Variants in UBE2G1 observed in about 807,000 individuals in gnomAD.
UBE2G1 encodes ubiquitin conjugating enzyme E2 G1.
UBE2G1 carries 5 observed loss-of-function variants against 22.7 expected under a neutral mutation model. The ratio of observed to expected loss-of-function variants is 0.22; its 90% CI spans 0.12 to 0.46. UBE2G1 has a LOEUF of 0.46. UBE2G1 is among the 20% of genes least tolerant of loss of function. The pLI is 0.99. For missense variants in UBE2G1, 88 were observed against 203.9 expected, an observed-to-expected ratio of 0.43 and a Z score of 3.46; for synonymous variants, 74 against 67.5, an observed-to-expected ratio of 1.10 and a Z score of -0.47.
At chr17:4,315,437 A>G (rs1969355064) in intron 1 of UBE2G1, among the ~76,000 whole-genome samples, 1 of 152,136 alleles carries the variant, frequency 6.6e-6, no homozygotes, top group African/African-American at 2.4e-5. Flanking sequence ...GTACTTGACT[A>G]CTAAGAAAAT....
At chr17:4,360,014 C>A (rs1305151657) in intron 1 of UBE2G1, among the ~76,000 whole-genome samples, 1 of 151,924 alleles carries the variant, frequency 6.6e-6, no homozygotes, top group Non-Finnish European at 1.5e-5. Context: ...CTGTTTATAC[C>A]AATAATTCAT....
At chr17:4,285,470 C>T (rs1270832566) in intron 4 of UBE2G1, among the ~76,000 whole-genome samples, 1 of 152,136 alleles carries the variant, frequency 6.6e-6, no homozygotes, top group African/African-American at 2.4e-5. Context: ...AAGCACCTTA[C>T]ATCATAAATA....
At chr17:4,280,037 CTTTTTT>C (rs770757443) in intron 5 of UBE2G1, among the ~76,000 whole-genome samples, 2 of 139,944 alleles carry the variant, frequency 1.4e-5, no homozygotes, top group Non-Finnish European at 3.1e-5. Context: ...GATAGATAGA[CTTTTTT>C]TTTTTTTTTT....
chr17:4,289,495 ACAGTACCTTTAT>A, intron 3 of UBE2G1, 87 bp from the exon 4 acceptor site: 3 of 1,366,448 alleles, frequency 2.2e-6, no homozygotes, highest in Non-Finnish European at 2.9e-6. Flanking sequence ...CCTGATTCAC[ACAGTACCTTTAT>A]CAAACATGAC....
chr17:4,354,577 A>C (rs1222948779), intron 1 of UBE2G1, among the ~76,000 whole-genome samples: 2 of 152,188 alleles, frequency 1.3e-5, no homozygotes, highest in African/African-American at 4.8e-5. Flanking sequence ...TTTATCAGAA[A>C]ATAAAACTGT....
chr17:4,307,211 T>A, intron 1 of UBE2G1, 88 bp from the exon 2 acceptor site: 1 of 1,162,138 alleles, frequency 8.6e-7, no homozygotes, highest in Non-Finnish European at 1.3e-6. Context: ...GTACATGTTT[T>A]ATGTAAGTTT....
intron 4 of UBE2G1, among the ~76,000 whole-genome samples, chr17:4,284,579 C>A (rs1378927882): frequency 6.6e-6 from 1 of 151,072 alleles, no homozygotes; most frequent in Non-Finnish European, 1.5e-5. Context: ...CCAGCCTGGG[C>A]GACAGAGCGA....
intron 1 of UBE2G1, among the ~76,000 whole-genome samples, chr17:4,315,729 G>T (rs1969360475): frequency 1.4e-5 from 2 of 147,988 alleles, no homozygotes; most frequent in Admixed American, 1.4e-4. Context: ...GAAAGAGCGA[G>T]ACTCCATCTC....
intron 1 of UBE2G1, chr17:4,335,164 G>C (rs1355137563): frequency 6.6e-6 from 1 of 152,064 alleles, no homozygotes. Flanking sequence ...CATATTAAAA[G>C]GTGTATAAGA....
intron 1 of UBE2G1, among the ~76,000 whole-genome samples, chr17:4,311,048 C>CA (rs1379496932): frequency 2.6e-5 from 4 of 150,988 alleles, no homozygotes; most frequent in Admixed American, 6.6e-5. Flanking sequence ...CTGTCTCTAC[C>CA]AAAAAAAAGA....
chr17:4,301,855 G>A, intron 2 of UBE2G1: 1 of 504,534 alleles, frequency 2.0e-6, no homozygotes, highest in Non-Finnish European at 3.9e-6. Flanking sequence ...CGGTAAACAT[G>A]AACTTCGTGA....
chr17:4,346,439 T>C lies in UBE2G1; in HGVS notation c.46+19832A>G, dbSNP rs999140556. 3.0e-4 allele frequency among the ~76,000 whole-genome samples: 44 copies of C among 148,866 alleles called. 1 individual carries two copies. Among genetic ancestry groups the C allele is most frequent in the Admixed American group, 2.4e-3 (36 of 14,956 alleles). On this transcript the variant is annotated intron_variant, in intron 1 of 5. Coordinates refer to ENST00000396981, the MANE Select transcript of UBE2G1 (RefSeq NM_003342.5). ...GCTTACATTTTCTTCTTCTTTTTTT[T>C]TTTTTTTTTTTTTGAGACAGAGTCT...
intron 2 of UBE2G1, among the ~76,000 whole-genome samples, chr17:4,304,548 CAAAGT>C (rs1368451256): frequency 8.4e-6 from 1 of 119,188 alleles, no homozygotes; most frequent in Non-Finnish European, 2.0e-5. Context: ...ATAGGAGTCT[CAAAGT>C]AATCCTTGAA....
At chr17:4,348,016 A>AGAAT (rs143803396) in intron 1 of UBE2G1, among the ~76,000 whole-genome samples, 376 of 152,352 alleles carry the variant, frequency 2.5e-3, no homozygotes, top group Non-Finnish European at 4.3e-3. Context: ...TAATAACCCT[A>AGAAT]GAATGGCCTC....
intron 1 of UBE2G1, among the ~76,000 whole-genome samples, chr17:4,312,163 C>A (rs1410897390): frequency 6.6e-6 from 1 of 150,780 alleles, no homozygotes; most frequent in Non-Finnish European, 1.5e-5. Context: ...TCGCTTGAAC[C>A]CAGGAGGCGG....
chr17:4,277,963 T>C lies in UBE2G1; in HGVS notation c.*37+4835A>G, dbSNP rs553179640. Among the ~76,000 whole-genome samples the C allele has an allele frequency of 3.3e-5, 5 of 152,156 alleles. No homozygotes were observed. In the East Asian group the frequency reaches 5.8e-4, roughly 18 times the overall value. ...ATGGAGTCTCACTCTCTTGGCTCAC[T>C]GCCTCTGCCTCCTGCAGCCTCTGCC... On this transcript the variant is annotated intron_variant, in intron 5 of 5. Transcript: ENST00000396981.
intron 1 of UBE2G1, among the ~76,000 whole-genome samples, 198 bp from the exon 2 acceptor site, chr17:4,307,321 A>G (rs966139006): frequency 6.6e-6 from 1 of 152,208 alleles, no homozygotes; most frequent in Non-Finnish European, 1.5e-5. Context: ...AAAGCAAACT[A>G]TCCAGAAGAT....
At chr17:4,288,037 G>C (rs1968989109) in intron 4 of UBE2G1, among the ~76,000 whole-genome samples, 1 of 152,184 alleles carries the variant, frequency 6.6e-6, no homozygotes, top group South Asian at 2.1e-4. Flanking sequence ...TTAGGGAACA[G>C]ATCCTGAAAC....
chr17:4,346,316 CT>C (rs137910437), intron 1 of UBE2G1, among the ~76,000 whole-genome samples: 77 of 152,172 alleles, frequency 5.1e-4, no homozygotes, highest in African/African-American at 1.7e-3. Context: ...CTTATCCAGA[CT>C]TATACCGAAA....
Sources: gnomAD v4.1 joint callset for allele counts (sites outside exome capture counted in the v4.1 genomes callset) on GRCh38, gnomAD v4.1.1 for gene constraint, MANE v1.5 for transcripts, NCBI Gene and HGNC (gene_info 2026-07-23, HGNC 2026-07-21) for gene names.